Variants in PLXNA4 observed in about 807,000 individuals in gnomAD.
The protein encoded by PLXNA4 is plexin A4, also known as plexin-A4.
PLXNA4 carries 44 observed loss-of-function variants against 191.8 expected under a neutral mutation model. The ratio of observed to expected loss-of-function variants is 0.23; its 90% confidence interval spans 0.18 to 0.29. The LOEUF is 0.29. Among genes scored for constraint, PLXNA4 ranks in the 10% least tolerant of loss-of-function variants. The pLI is 1.00. For missense variants in PLXNA4, 1,800 were observed against 2,488.8 expected (o/e 0.72, Z 5.89); for synonymous variants, 1,082 against 1,009.5 (o/e 1.07, Z -1.36).
chr7:132,175,522 C>T (rs1732344503), intron 20 of PLXNA4, among the ~76,000 whole-genome samples: 1 of 152,216 alleles, frequency 6.6e-6, no homozygotes, highest in South Asian at 2.1e-4. Flanking sequence ...ATTTCTTTGT[C>T]CTTCCTTCCT....
intron 29 of PLXNA4, among the ~76,000 whole-genome samples, chr7:132,142,980 G>A (rs1045662228): frequency 1.3e-5 from 2 of 152,098 alleles, no homozygotes; most frequent in Non-Finnish European, 2.9e-5. Context: ...TGAGGTTCCC[G>A]CCTAATGAAA....
At chr7:132,452,335 C>T (rs1400059703) in intron 3 of PLXNA4, among the ~76,000 whole-genome samples, 2 of 152,196 alleles carry the variant, frequency 1.3e-5, no homozygotes, top group African/African-American at 2.4e-5. Context: ...GCGTCCCACC[C>T]ATCAGGAAGC....
chr7:132,232,502 C>G (rs1798558006), intron 5 of PLXNA4, among the ~76,000 whole-genome samples: 1 of 152,182 alleles, frequency 6.6e-6, no homozygotes, highest in South Asian at 2.1e-4. Flanking sequence ...CCCTGCTAAC[C>G]TCTTCTGACC....
At chr7:132,251,764 G>T (rs939694536) in intron 4 of PLXNA4, among the ~76,000 whole-genome samples, 35 of 152,218 alleles carry the variant, frequency 2.3e-4, no homozygotes, top group Admixed American at 1.2e-3. Context: ...ACACACCTAT[G>T]GGGGGCAGAA....
intron 1 of PLXNA4, among the ~76,000 whole-genome samples, chr7:132,549,910 G>C (rs1359489978): frequency 6.6e-6 from 1 of 152,158 alleles, no homozygotes; most frequent in Non-Finnish European, 1.5e-5. Context: ...ATTAGGTAGA[G>C]AGAGGTAGAG....
chr7:132,606,559 T>A (rs1347040008), intron 2 of PLXNA4, among the ~76,000 whole-genome samples: 1 of 152,218 alleles, frequency 6.6e-6, no homozygotes, highest in Non-Finnish European at 1.5e-5. Context: ...AAATCGCACA[T>A]AAGTAAATGT....
chr7:132,225,411 TA>T (rs1448048687), intron 8 of PLXNA4, among the ~76,000 whole-genome samples: 2 of 152,146 alleles, frequency 1.3e-5, no homozygotes, highest in Non-Finnish European at 2.9e-5. Flanking sequence ...CGTCAGTTGG[TA>T]AATATTTGTG....
upstream of PLXNA4, among the ~76,000 whole-genome samples, chr7:132,582,291 C>T (rs929749757): frequency 2.0e-5 from 3 of 152,134 alleles, no homozygotes; most frequent in Non-Finnish European, 4.4e-5. Context: ...AAGATGGATT[C>T]GTGCTGATGG....
At position 132,168,408 on chromosome 7, in the gene PLXNA4, C is replaced by T. The variant is rs899595277; in HGVS notation, c.4182G>A (p.Leu1394=). 2 of 1,613,862 alleles carry T rather than the reference C, an allele frequency of 1.2e-6. No individual in the cohort carries two copies. Among genetic ancestry groups the T allele is most frequent in the Non-Finnish European group, 8.5e-7 (1 of 1,179,810 alleles). The change falls in exon 22 of 32, where the codon CTG becomes CTA. Residue 1394 remains leucine (L), a synonymous_variant. Coordinates refer to ENST00000321063, the MANE Select transcript of PLXNA4 (RefSeq NM_020911.2). ...GNVASLIMTV[L]QSKLEYATDV... is the part of the protein sequence containing the mutation. The stretch of plus-strand genomic sequence containing the variant: ...CAGTGGCGTACTCCAGCTTGCTCTG[C>T]AGCACGGTCATGATGAGTGAGGCCA...
intron 2 of PLXNA4, chr7:132,645,796 G>C (rs572257538): frequency 3.3e-5 from 5 of 152,606 alleles, no homozygotes; most frequent in Non-Finnish European, 5.9e-5. Context: ...TTACCATCAA[G>C]GGAAGCGAAA....
intron 2 of PLXNA4, among the ~76,000 whole-genome samples, chr7:132,606,443 C>T (rs1802925134): frequency 6.6e-6 from 1 of 152,228 alleles, no homozygotes; most frequent in South Asian, 2.1e-4. Context: ...CAACCAAGGT[C>T]ACTGGGTCAC....
chr7:132,563,065 T>A (rs1801371253), intron 1 of PLXNA4, among the ~76,000 whole-genome samples: 1 of 100,128 alleles, frequency 1.0e-5, no homozygotes, highest in Non-Finnish European at 2.1e-5. Flanking sequence ...CTCCTTCTCC[T>A]CCTCCTCCTC....
Position 132,456,367 on chromosome 7 carries a change from C to A in PLXNA4, c.1371+32925G>T, listed in dbSNP as rs987780530. Among the ~76,000 whole-genome samples the A allele has an allele frequency of 3.9e-5, 6 of 152,070 alleles. No homozygotes were observed. The South Asian group carries it at 1.2e-3, about 32-fold the overall frequency. On this transcript the variant is annotated intron_variant, in intron 3 of 31. Coordinates refer to ENST00000321063, the MANE Select transcript of PLXNA4 (RefSeq NM_020911.2). ...AGCTCAGGCAATCCACCTGCCTCGGCCTCCCAAAGTGCTAGGATTACAGGT... is the reference window on the plus strand; with the variant it reads ...AGCTCAGGCAATCCACCTGCCTCGGACTCCCAAAGTGCTAGGATTACAGGT...
At chr7:132,183,829 T>G (rs971998011) in intron 16 of PLXNA4, among the ~76,000 whole-genome samples, 1 of 152,182 alleles carries the variant, frequency 6.6e-6, no homozygotes, top group Middle Eastern at 3.2e-3. Context: ...CTGTCTTTCT[T>G]TTGGGTTTAA....
intron 17 of PLXNA4, 39 bp from the exon 18 acceptor site, chr7:132,181,659 T>C (rs945114977): frequency 2.5e-6 from 4 of 1,607,126 alleles, no homozygotes; most frequent in Non-Finnish European, 2.6e-6. Flanking sequence ...ATGCAGTATC[T>C]CCACATACCC....
intron 1 of PLXNA4, among the ~76,000 whole-genome samples, chr7:132,551,996 G>A (rs1433856331): frequency 1.3e-5 from 2 of 152,072 alleles, no homozygotes; most frequent in African/African-American, 4.8e-5. Context: ...GGGGGTGGGG[G>A]GAAGGAGAGG....
rs558732497 is a variant in PLXNA4 at position 132,291,766 on chromosome 7, T to C, written c.1503+6325A>G. ...AGCTGGCCTATTTCAGCATATGGAA[T>C]GAGGAACACTGGAACCCAAGGAGAG... On this transcript the variant is annotated intron_variant, in intron 4 of 31. Transcript: ENST00000321063. Among the ~76,000 whole-genome samples, 171 of 152,292 alleles carry C rather than the reference T, an allele frequency of 1.1e-3. 1 individual carries two copies. Among genetic ancestry groups the C allele is most frequent in the Non-Finnish European group, 2.0e-3 (136 of 68,024 alleles).
chr7:132,418,789 G>A (rs1018980455), intron 3 of PLXNA4, among the ~76,000 whole-genome samples: 2 of 152,172 alleles, frequency 1.3e-5, no homozygotes, highest in Non-Finnish European at 2.9e-5. Flanking sequence ...GTAAGCAGGA[G>A]GGGAAGAAGT....
intron 3 of PLXNA4, among the ~76,000 whole-genome samples, chr7:132,374,604 G>A (rs956415743): frequency 2.0e-5 from 3 of 152,058 alleles, no homozygotes; most frequent in Admixed American, 6.5e-5. Flanking sequence ...GCTGGTGTAG[G>A]TTCTGGGCTA....
Sources: gnomAD v4.1 joint callset for allele counts (sites outside exome capture counted in the v4.1 genomes callset) on GRCh38, gnomAD v4.1.1 for gene constraint, MANE v1.5 for transcripts, NCBI Gene and HGNC (gene_info 2026-07-23, HGNC 2026-07-21) for gene names.